COL27A1: variants seen among roughly 807,000 people sequenced by gnomAD.
COL27A1 encodes collagen type XXVII alpha 1 chain.
In COL27A1, 106 loss-of-function variants were observed where a neutral mutation model predicts 251.3. The observed-to-expected ratio is 0.42, with a 90% CI of 0.36 to 0.50. COL27A1 has a LOEUF of 0.50. Among genes scored for constraint, COL27A1 ranks in the 20% least tolerant of loss-of-function variants. The pLI is 0.00. For synonymous variants in COL27A1, 1,000 were observed against 986.3 expected, an observed-to-expected ratio of 1.01 and a Z score of -0.26; for missense variants, 2,325 against 2,522.8, an observed-to-expected ratio of 0.92 and a Z score of 1.68.
At chr9:114,183,921 G>A (rs190413473) in intron 5 of COL27A1, among the ~76,000 whole-genome samples, 3 of 152,276 alleles carry the variant, frequency 2.0e-5, no homozygotes, top group Admixed American at 6.5e-5. Context: ...GTCTGTTCCC[G>A]GAGCTCTGGC....
intron 23 of COL27A1, 86 bp from the exon 24 acceptor site, chr9:114,245,780 C>A: frequency 7.7e-7 from 1 of 1,298,944 alleles, no homozygotes; most frequent in Non-Finnish European, 1.1e-6. Context: ...CTAATGGCAG[C>A]TAAGGCCAGC....
At position 114,183,055 on chromosome 9, in the gene COL27A1, C is replaced by A; in HGVS notation, c.1996C>A (p.Pro666Thr). The A allele has an allele frequency of 6.2e-7, 1 of 1,613,524 alleles. No individual in the cohort carries two copies. Among genetic ancestry groups the A allele is most frequent in the East Asian group, 2.2e-5 (1 of 44,882 alleles). ...TGGGCCTTATGGAAATCCAGGTCTC[C>A]CCGGCCCTCCTGGAGCCAAAGTGAG... ...PPGPYGNPGLPGPPGAKGQKG... is the reference protein window; with the variant it reads ...PPGPYGNPGLTGPPGAKGQKG... Residue 666 changes from proline (P) to threonine (T), a missense_variant, in exon 5 of 61, where the codon CCC (proline) becomes ACC (threonine). Physicochemically the swap from Pro to Thr is conservative, Grantham distance 38. This residue lies in a region of COL27A1 where 1,183 missense variants were observed against 1,144.1 expected (regional missense o/e 1.03). Coordinates refer to ENST00000356083, the MANE Select transcript of COL27A1 (RefSeq NM_032888.4).
intron 19 of COL27A1, 79 bp from the exon 20 acceptor site, chr9:114,240,141 C>T (rs1832656307): frequency 1.1e-5 from 14 of 1,281,614 alleles, no homozygotes; most frequent in Non-Finnish European, 1.6e-5. Flanking sequence ...GAAACCCGGT[C>T]AGTCTCCCTG....
intron 2 of COL27A1, among the ~76,000 whole-genome samples, chr9:114,166,541 C>G (rs1259792106): frequency 1.3e-5 from 2 of 152,230 alleles, no homozygotes; most frequent in Non-Finnish European, 2.9e-5. Flanking sequence ...CCAGCACAAC[C>G]TTTGCAGGGG....
intron 56 of COL27A1, 46 bp from the exon 57 acceptor site, chr9:114,304,562 G>A (rs972347035): frequency 3.1e-6 from 5 of 1,595,570 alleles, no homozygotes; most frequent in Non-Finnish European, 4.3e-6. Flanking sequence ...TGGGTGTGGA[G>A]AACCCTGGGG....
chr9:114,245,148 GTTT>G (rs779029948), intron 23 of COL27A1, among the ~76,000 whole-genome samples: 4,250 of 101,288 alleles, frequency 0.042, 163 homozygotes, highest in East Asian at 0.12. Flanking sequence ...GTGCATTCTT[GTTT>G]TTTTTTTTTT....
At chr9:114,216,906 G>A (rs1262069933) in intron 12 of COL27A1, among the ~76,000 whole-genome samples, 1 of 152,092 alleles carries the variant, frequency 6.6e-6, no homozygotes, top group Non-Finnish European at 1.5e-5. Flanking sequence ...GAGCCTGTAG[G>A]CTGGTTCTAG....
At chr9:114,156,841 G>GGT (rs1848152528) in intron 1 of COL27A1, among the ~76,000 whole-genome samples, 1 of 152,006 alleles carries the variant, frequency 6.6e-6, no homozygotes, top group South Asian at 2.1e-4. Context: ...GCAGCGTGTG[G>GGT]GTGTGTGTGG....
At chr9:114,182,060 C>A (rs1017285138) in intron 4 of COL27A1, among the ~76,000 whole-genome samples, 2 of 151,974 alleles carry the variant, frequency 1.3e-5, no homozygotes, top group African/African-American at 4.8e-5. Flanking sequence ...CAGTTGGGGC[C>A]AGCTGCCGTG....
intron 59 of COL27A1, 45 bp downstream of exon 59, chr9:114,307,823 TC>T: frequency 1.4e-6 from 2 of 1,440,822 alleles, no homozygotes; most frequent in African/African-American, 1.4e-5. Context: ...TCTGCCTCTA[TC>T]CCCAGCCTGC....
At chr9:114,243,395 G>A (rs1406772218) in intron 22 of COL27A1, 112 bp from the exon 23 acceptor site, 3 of 838,106 alleles carry the variant, frequency 3.6e-6, no homozygotes, top group African/African-American at 3.4e-5. Flanking sequence ...GTCCACCAGG[G>A]TATGTGGCTC....
intron 19 of COL27A1, 122 bp downstream of exon 19, chr9:114,237,837 G>T: frequency 1.3e-6 from 1 of 749,526 alleles, no homozygotes; most frequent in Non-Finnish European, 2.4e-6. Context: ...GAGAGATGAG[G>T]CTGAGAGGAG....
chr9:114,307,417 G>A (rs1829132702), intron 58 of COL27A1: 4 of 465,808 alleles, frequency 8.6e-6, no homozygotes, highest in African/African-American at 2.0e-5. Context: ...CTGTAAAATG[G>A]ATACATCCCA....
chr9:114,300,225 G>T, intron 50 of COL27A1, 102 bp downstream of exon 50: 1 of 1,282,746 alleles, frequency 7.8e-7, no homozygotes, highest in Admixed American at 1.8e-5. Context: ...TGAAAACATT[G>T]GCTGGAAAAC....
At chr9:114,209,813 G>T in intron 11 of COL27A1, 85 bp downstream of exon 11, 1 of 1,338,054 alleles carries the variant, frequency 7.5e-7, no homozygotes, top group Non-Finnish European at 1.1e-6. Flanking sequence ...GCCTGGGGAA[G>T]TCAAGGAATT....
chr9:114,166,923 G>A (rs534637040), intron 2 of COL27A1, among the ~76,000 whole-genome samples: 8 of 152,310 alleles, frequency 5.3e-5, no homozygotes, highest in African/African-American at 1.9e-4. Context: ...TCTCCCCAGA[G>A]TCCTGTGGGG....
intron 43 of COL27A1, 62 bp from the exon 44 acceptor site, chr9:114,288,852 T>G (rs1827701025): frequency 6.2e-7 from 1 of 1,608,492 alleles, no homozygotes. Flanking sequence ...CCCAGGCTTC[T>G]GTGCTGCCTC....
intron 29 of COL27A1, 134 bp downstream of exon 29, chr9:114,264,542 T>G: frequency 3.1e-6 from 2 of 642,640 alleles, no homozygotes; most frequent in East Asian, 3.1e-5. Flanking sequence ...GCAGGGCTCT[T>G]TCTGAGAGCT....
intron 49 of COL27A1, among the ~76,000 whole-genome samples, chr9:114,297,750 C>T (rs983105680): frequency 1.3e-5 from 2 of 152,048 alleles, no homozygotes; most frequent in Non-Finnish European, 2.9e-5. Flanking sequence ...AACACTTCCC[C>T]CAAGATCAGG....
Sources: gnomAD v4.1 joint callset for allele counts (sites outside exome capture counted in the v4.1 genomes callset) on GRCh38, gnomAD v4.1.1 for gene constraint, gnomAD v4.1.1 regional missense constraint, MANE v1.5 for transcripts, NCBI Gene and HGNC (gene_info 2026-07-23, HGNC 2026-07-21) for gene names.